Variants in CDH18 observed in about 807,000 individuals in gnomAD.
The protein encoded by CDH18 is cadherin 18.
In CDH18, 31 loss-of-function variants were observed where a neutral mutation model predicts 67.9. The observed-to-expected ratio is 0.46, with a 90% CI of 0.34 to 0.62. The LOEUF is 0.62. Among genes scored for constraint, CDH18 ranks in the 20% least tolerant of loss-of-function variants. The pLI, the probability that CDH18 is intolerant of heterozygous loss-of-function variation, is 0.01. For synonymous variants in CDH18, 362 were observed against 347.2 expected (o/e 1.04, Z -0.48); for missense variants, 890 against 975.5 (o/e 0.91, Z 1.17).
intron 11 of CDH18, among the ~76,000 whole-genome samples, chr5:19,496,040 A>C (rs1742271976): frequency 6.6e-6 from 1 of 152,188 alleles, no homozygotes; most frequent in Admixed American, 6.5e-5. Flanking sequence ...ATTGAAAGTT[A>C]AATTGGAAGT....
At chr5:20,300,330 G>C (rs1179049827) in intron 1 of CDH18, among the ~76,000 whole-genome samples, 1 of 138,536 alleles carries the variant, frequency 7.2e-6, no homozygotes, top group Non-Finnish European at 1.6e-5. Flanking sequence ...GTGTGTGTGT[G>C]TGTATTTTCC....
intron 5 of CDH18, among the ~76,000 whole-genome samples, chr5:19,652,432 A>G (rs757148814): frequency 3.2e-4 from 48 of 152,268 alleles, no homozygotes; most frequent in Admixed American, 1.0e-3. Flanking sequence ...AGGCCAAAAA[A>G]TAATGGGGAA....
intron 2 of CDH18, among the ~76,000 whole-genome samples, chr5:19,841,043 A>G (rs980989294): frequency 6.6e-6 from 1 of 152,158 alleles, no homozygotes; most frequent in Non-Finnish European, 1.5e-5. Flanking sequence ...TGCTACACAG[A>G]TTTGGTCACG....
At chr5:19,730,152 A>G (rs1412948490) in intron 4 of CDH18, among the ~76,000 whole-genome samples, 1 of 152,088 alleles carries the variant, frequency 6.6e-6, no homozygotes, top group Non-Finnish European at 1.5e-5. Flanking sequence ...AGGTAATACT[A>G]CTACTCTCAG....
chr5:19,924,658 T>C (rs749439040), intron 2 of CDH18, among the ~76,000 whole-genome samples: 5 of 151,948 alleles, frequency 3.3e-5, no homozygotes, highest in Non-Finnish European at 5.9e-5. Context: ...AACAAAACAA[T>C]AGGACTTTAA....
chr5:19,690,964 A>T (rs188960500), intron 5 of CDH18, among the ~76,000 whole-genome samples: 117 of 152,014 alleles, frequency 7.7e-4, no homozygotes, highest in African/African-American at 2.6e-3. Context: ...AGAAAATGAC[A>T]CAATAACAAC....
intron 1 of CDH18, among the ~76,000 whole-genome samples, chr5:20,553,476 G>A (rs988919419): frequency 6.6e-6 from 1 of 152,032 alleles, no homozygotes; most frequent in Non-Finnish European, 1.5e-5. Context: ...ACATTTATTG[G>A]GCTAATTATA....
chr5:19,483,220 C>T, intron 12 of CDH18, 81 bp downstream of exon 12: 2 of 1,386,560 alleles, frequency 1.4e-6, no homozygotes, highest in Admixed American at 2.1e-5. Flanking sequence ...ATTATGGATG[C>T]CTAATCCTTA....
At chr5:20,508,462 G>A (rs1208306880) in intron 1 of CDH18, among the ~76,000 whole-genome samples, 1 of 150,252 alleles carries the variant, frequency 6.7e-6, no homozygotes, top group African/African-American at 2.4e-5. Flanking sequence ...AAAGTAGCAT[G>A]ACTCAAGTAT....
chr5:19,832,164 A>G (rs2149997001), intron 3 of CDH18, among the ~76,000 whole-genome samples: 1 of 152,226 alleles, frequency 6.6e-6, no homozygotes, highest in Non-Finnish European at 1.5e-5. Context: ...TGTGCTTACT[A>G]CCTGGGTAAT....
At position 19,812,885 on chromosome 5, in the gene CDH18, T is replaced by G. The variant is rs557040865; in HGVS notation, c.228+25874A>C. Among the ~76,000 whole-genome samples, 143 of 152,216 alleles carry G rather than the reference T, an allele frequency of 9.4e-4. 1 individual carries two copies. The highest frequency in any genetic ancestry group is 3.1e-3 in the African/African-American group (130 of 41,544). On this transcript the variant is annotated intron_variant, in intron 3 of 12. Transcript: ENST00000382275. Reference sequence around the variant, plus strand: ...TTCACAATAACAAAAGACTTGGAACTAACCCAAATGCCCATCAATGATAAA... The same window carrying G: ...TTCACAATAACAAAAGACTTGGAACGAACCCAAATGCCCATCAATGATAAA...
chr5:19,960,176 A>C (rs1416922096), intron 2 of CDH18, among the ~76,000 whole-genome samples: 1 of 152,118 alleles, frequency 6.6e-6, no homozygotes, highest in Non-Finnish European at 1.5e-5. Flanking sequence ...GCTTACTGTA[A>C]GTTTTTGCAT....
chr5:20,123,193 A>T (rs1024762026), intron 2 of CDH18, among the ~76,000 whole-genome samples: 2 of 152,120 alleles, frequency 1.3e-5, no homozygotes, highest in Admixed American at 6.5e-5. Flanking sequence ...TAAGGAACAT[A>T]CGTGATCTGG....
At chr5:20,013,146 A>G (rs1293886983) in intron 2 of CDH18, among the ~76,000 whole-genome samples, 1 of 152,068 alleles carries the variant, frequency 6.6e-6, no homozygotes, top group Non-Finnish European at 1.5e-5. Flanking sequence ...TCAACTCACT[A>G]TGTCAGTGAT....
intron 1 of CDH18, among the ~76,000 whole-genome samples, chr5:20,300,179 T>C (rs539725361): frequency 6.6e-6 from 1 of 152,258 alleles, no homozygotes; most frequent in South Asian, 2.1e-4. Context: ...GAAGGAAGTT[T>C]GAGAGCTCCT....
intron 5 of CDH18, among the ~76,000 whole-genome samples, chr5:19,642,470 A>G (rs1754147952): frequency 6.6e-6 from 1 of 152,096 alleles, no homozygotes; most frequent in African/African-American, 2.4e-5. Context: ...TACTTAAACA[A>G]AAACAGATAT....
At chr5:19,764,910 C>G (rs536959275) in intron 3 of CDH18, among the ~76,000 whole-genome samples, 1 of 152,244 alleles carries the variant, frequency 6.6e-6, no homozygotes, top group South Asian at 2.1e-4. Flanking sequence ...CTCATTCTTG[C>G]TAAATTCTGT....
At chr5:19,624,510 AT>A (rs1418707110) in intron 5 of CDH18, among the ~76,000 whole-genome samples, 1 of 152,176 alleles carries the variant, frequency 6.6e-6, no homozygotes, top group Non-Finnish European at 1.5e-5. Context: ...GATTTCAGAG[AT>A]ATGTATATGC....
At position 20,230,387 on chromosome 5, in the gene CDH18, C is replaced by T. The variant is rs559642913; in HGVS notation, c.-518+25057G>A. ...ATGTATTCTCAAAATCAAATTTCCCCTATTTCTAAGACATTTAACCATATC... is the reference window on the plus strand; with the variant it reads ...ATGTATTCTCAAAATCAAATTTCCCTTATTTCTAAGACATTTAACCATATC... On this transcript the variant is annotated intron_variant, in intron 2 of 14. Coordinates refer to the CDH18 transcript ENST00000507958. Among the ~76,000 whole-genome samples the T allele has an allele frequency of 1.7e-4, 26 of 152,224 alleles. No individual in the cohort carries two copies. In the South Asian group the frequency reaches 4.6e-3, roughly 27 times the overall value.
Sources: gnomAD v4.1 joint callset for allele counts (sites outside exome capture counted in the v4.1 genomes callset) on GRCh38, gnomAD v4.1.1 for gene constraint, MANE v1.5 for transcripts, NCBI Gene and HGNC (gene_info 2026-07-23, HGNC 2026-07-21) for gene names.